The following IL1RAPL2 variants were observed in gnomAD, a reference collection of about 807,000 sequenced individuals.
The protein encoded by IL1RAPL2 is interleukin 1 receptor accessory protein like 2, also known as X-linked interleukin-1 receptor accessory protein-like 2.
A neutral mutation model predicts 44.1 loss-of-function variants in IL1RAPL2; 3 were observed. The observed-to-expected ratio is 0.07, with a 90% confidence interval of 0.03 to 0.18. The LOEUF is 0.18. Among genes scored for constraint, IL1RAPL2 ranks in the 10% least tolerant of loss-of-function variants. IL1RAPL2 has a pLI of 1.00. For synonymous variants in IL1RAPL2, 181 were observed against 178.8 expected, an observed-to-expected ratio of 1.01 and a Z score of -0.10; for missense variants, 391 against 496.4, an observed-to-expected ratio of 0.79 and a Z score of 2.02.
intron 2 of IL1RAPL2, among the ~76,000 whole-genome samples, chrX:104,843,010 C>T (rs751629939): frequency 6.2e-5 from 7 of 112,419 alleles, no homozygotes; most frequent in Admixed American, 9.4e-5. Context: ...CCACAGCAGT[C>T]GGCCTTCCCC....
At chrX:105,221,952 T>G (rs1556182656) in intron 3 of IL1RAPL2, among the ~76,000 whole-genome samples, 2 of 111,783 alleles carry the variant, frequency 1.8e-5, no homozygotes, top group Non-Finnish European at 3.8e-5. Context: ...ACTTAGGGAA[T>G]GTCCATGTTT....
intron 5 of IL1RAPL2, among the ~76,000 whole-genome samples, chrX:105,286,492 C>T (rs1425219664): frequency 9.2e-6 from 1 of 108,725 alleles, no homozygotes; most frequent in South Asian, 3.9e-4. Flanking sequence ...AACGAAGATG[C>T]TTTATACTAC....
chrX:105,727,957 T>TC (rs967438491), intron 7 of IL1RAPL2, among the ~76,000 whole-genome samples: 1 of 110,822 alleles, frequency 9.0e-6, no homozygotes, highest in African/African-American at 3.3e-5. Context: ...CCCACAAGAC[T>TC]CCCCCCACTA....
chrX:105,532,869 A>G (rs902679409), intron 6 of IL1RAPL2, among the ~76,000 whole-genome samples: 2 of 111,372 alleles, frequency 1.8e-5, no homozygotes, highest in East Asian at 5.5e-4. Context: ...ATATACATAT[A>G]TATATTAGAT....
chrX:104,910,885 G>GT (rs1256333964), intron 2 of IL1RAPL2, among the ~76,000 whole-genome samples: 4 of 111,221 alleles, frequency 3.6e-5, no homozygotes, highest in Non-Finnish European at 5.7e-5. Flanking sequence ...TTCTAAGACC[G>GT]TATCATGAGG....
At chrX:104,582,596 T>TTCTTTTTCTTTC (rs1387907561) in intron 1 of IL1RAPL2, among the ~76,000 whole-genome samples, 662 of 52,151 alleles carry the variant, frequency 0.013, 3 homozygotes, top group African/African-American at 0.015. Context: ...CTTTCTTTCT[T>TTCTTTTTCTTTC]TTTCTTTCTT....
rs138099278 is a variant in IL1RAPL2 at position 105,377,582 on chromosome X, G to C, written c.698-106731G>C. Reference sequence around the variant, plus strand: ...TTTTAATTCTGTACATATTTATGAAGGTTTATGCTGCATCCAGCACTTTGC... The same window carrying C: ...TTTTAATTCTGTACATATTTATGAACGTTTATGCTGCATCCAGCACTTTGC... On this transcript the variant is annotated intron_variant, in intron 5 of 10. Transcript: ENST00000372582. Among the ~76,000 whole-genome samples the C allele has an allele frequency of 1.1e-4, 12 of 111,478 alleles. No individual in the cohort carries two copies. In the East Asian group the frequency reaches 3.1e-3, roughly 29 times the overall value.
intron 6 of IL1RAPL2, among the ~76,000 whole-genome samples, chrX:105,596,381 ATTT>A (rs2147820456): frequency 9.1e-6 from 1 of 109,650 alleles, no homozygotes; most frequent in East Asian, 2.9e-4. Flanking sequence ...GTCTCAAGAT[ATTT>A]TTTAATTTCC....
intron 4 of IL1RAPL2, among the ~76,000 whole-genome samples, chrX:105,234,628 G>T (rs1403014435): frequency 9.1e-6 from 1 of 110,056 alleles, no homozygotes; most frequent in Non-Finnish European, 1.9e-5. Context: ...GGCCAATATG[G>T]TGAAACCTCA....
chrX:104,946,425 A>ATACT (rs1925366538), intron 2 of IL1RAPL2, among the ~76,000 whole-genome samples: 1 of 67,965 alleles, frequency 1.5e-5, no homozygotes, highest in Non-Finnish European at 3.0e-5. Flanking sequence ...TAAAAAAATT[A>ATACT]TTATTATACT....
intron 4 of IL1RAPL2, among the ~76,000 whole-genome samples, chrX:105,250,895 A>G (rs1247415174): frequency 9.0e-6 from 1 of 111,128 alleles, no homozygotes; most frequent in Non-Finnish European, 1.9e-5. Flanking sequence ...TAGAATAGAG[A>G]ATCCAGAAAC....
intron 2 of IL1RAPL2, among the ~76,000 whole-genome samples, chrX:104,901,807 GTTC>G (rs1253359894): frequency 3.6e-5 from 4 of 111,800 alleles, no homozygotes; most frequent in Non-Finnish European, 7.5e-5. Flanking sequence ...GAGAGTGACA[GTTC>G]TTATGCTACA....
At chrX:105,435,647 GT>G (rs1357639062) in intron 5 of IL1RAPL2, among the ~76,000 whole-genome samples, 1 of 111,718 alleles carries the variant, frequency 9.0e-6, no homozygotes, top group Non-Finnish European at 1.9e-5. Context: ...CAACCCAAAT[GT>G]CCATCAATGA....
intron 6 of IL1RAPL2, among the ~76,000 whole-genome samples, chrX:105,662,843 A>G (rs907130753): frequency 2.7e-5 from 3 of 111,539 alleles, no homozygotes; most frequent in Admixed American, 1.9e-4. Flanking sequence ...CAAGACTTCA[A>G]CCTCCTAGGA....
chrX:104,834,077 C>A (rs895236990), intron 2 of IL1RAPL2, among the ~76,000 whole-genome samples: 1 of 111,676 alleles, frequency 9.0e-6, no homozygotes, highest in Non-Finnish European at 1.9e-5. Context: ...GTCACTATCT[C>A]TGGAACTAAA....
At chrX:105,244,990 TGATTGG>T in intron 4 of IL1RAPL2, among the ~76,000 whole-genome samples, 1 of 111,765 alleles carries the variant, frequency 8.9e-6, no homozygotes, top group South Asian at 3.7e-4. Context: ...CAAAACCCAG[TGATTGG>T]CACAAGAGTA....
intron 2 of IL1RAPL2, among the ~76,000 whole-genome samples, chrX:105,124,588 T>C (rs1349482372): frequency 2.7e-5 from 3 of 110,562 alleles, no homozygotes; most frequent in Non-Finnish European, 5.7e-5. Context: ...CTAGTCTTCT[T>C]TGACTCCCTC....
At chrX:105,405,519 G>A in intron 5 of IL1RAPL2, 2 of 463,918 alleles carry the variant, frequency 4.3e-6, no homozygotes, top group Admixed American at 7.2e-5. Flanking sequence ...TTAGCCAAGG[G>A]CAGGAAGGTG....
intron 5 of IL1RAPL2, among the ~76,000 whole-genome samples, chrX:105,334,740 C>T (rs187454795): frequency 8.2e-4 from 91 of 110,625 alleles, no homozygotes; most frequent in South Asian, 7.8e-4. Context: ...TGTTTTCACA[C>T]ATATTGAATT....
Sources: gnomAD v4.1 joint callset for allele counts (sites outside exome capture counted in the v4.1 genomes callset) on GRCh38, gnomAD v4.1.1 for gene constraint, MANE v1.5 for transcripts, NCBI Gene and HGNC (gene_info 2026-07-23, HGNC 2026-07-21) for gene names.